Variants in FGD6 observed in about 807,000 individuals in gnomAD.
The protein encoded by FGD6 is FYVE, RhoGEF and PH domain containing 6, also known as FYVE, RhoGEF and PH domain-containing protein 6.
In FGD6, 90 loss-of-function variants were observed where a neutral mutation model predicts 149.4. The ratio of observed to expected loss-of-function variants is 0.60; its 90% CI spans 0.51 to 0.72. The LOEUF (loss-of-function observed/expected upper bound fraction) is 0.72, where lower values mean the gene tolerates loss of function less well. FGD6 is among the 30% of genes least tolerant of loss of function. The probability of loss-of-function intolerance (pLI) is 0.00; values close to 1 mark genes in which losing one functional copy is unlikely to be tolerated. For synonymous variants in FGD6, 527 were observed against 584.0 expected (o/e 0.90, Z 1.41); for missense variants, 1,437 against 1,684.8 (o/e 0.85, Z 2.57).
chr12:95,101,409 G>A (rs1438719679), intron 14 of FGD6, among the ~76,000 whole-genome samples: 3 of 152,110 alleles, frequency 2.0e-5, no homozygotes, highest in African/African-American at 7.2e-5. Flanking sequence ...GTCTGGTACT[G>A]ATCTGGAAAT....
intron 11 of FGD6, 102 bp from the exon 12 acceptor site, chr12:95,107,733 G>C: frequency 1.7e-6 from 2 of 1,182,396 alleles, no homozygotes; most frequent in South Asian, 2.6e-5. Context: ...TTTCATGACA[G>C]ACTGGGGAGC....
At chr12:95,125,479 AG>A (rs1350806547) in intron 8 of FGD6, among the ~76,000 whole-genome samples, 1 of 152,146 alleles carries the variant, frequency 6.6e-6, no homozygotes, top group African/African-American at 2.4e-5. Context: ...CAAAAAAAAT[AG>A]AAAAAATTAG....
rs1185268583 is a variant in FGD6 at position 95,210,283 on chromosome 12, G to C, written c.1001C>G (p.Pro334Arg). 2.5e-6 allele frequency: 4 copies of C among 1,614,012 alleles called. No homozygotes were observed. In the South Asian group the frequency reaches 4.4e-5, roughly 18 times the overall value. The change falls in exon 2 of 21, where the codon CCT becomes CGT. Residue 334 changes from proline to arginine, a missense_variant. Pro to Arg is a moderately radical substitution (Grantham distance 103). Transcript: ENST00000343958. ...CCCCGGTTCTTCAGTGCTTTCACTA[G>C]GAGTATCTACACACTTTTGGCGTAA... Reference protein sequence around the residue: ...RLLRQKCVDTPSESTEEPGNS... With the variant: ...RLLRQKCVDTRSESTEEPGNS...
At chr12:95,182,295 C>G (rs1881307142) in intron 2 of FGD6, among the ~76,000 whole-genome samples, 1 of 151,430 alleles carries the variant, frequency 6.6e-6, no homozygotes, top group South Asian at 2.1e-4. Context: ...CTCTGCCACC[C>G]AGGTTCAAGT....
intron 14 of FGD6, among the ~76,000 whole-genome samples, chr12:95,097,409 G>T (rs913995035): frequency 1.3e-5 from 2 of 152,110 alleles, no homozygotes; most frequent in African/African-American, 4.8e-5. Context: ...GCCGAGGAGG[G>T]TGGATCACCT....
rs750341939 is a variant in FGD6, at chr12:95,210,710, G to A, written c.574C>T (p.Pro192Ser). ...TGCTTCTGTGCAGAAATAAAAGGTG[G>A]CATTTGGTGTATTAAGGCATCTTTG... is the stretch of plus-strand genomic sequence containing the variant. The part of the protein sequence containing the change: ...ELKDALIHQM[P>S]PFISAQKHRP... Residue 192 changes from proline (P) to serine (S), a missense_variant, in exon 2 of 21, where the codon CCA (proline) becomes TCA (serine). This residue lies in a region of FGD6 where 1,055 missense variants were observed against 1,146.0 expected (regional missense o/e 0.92). Coordinates refer to ENST00000343958, the MANE Select transcript of FGD6 (RefSeq NM_018351.4). The A allele has an allele frequency of 7.4e-6, 12 of 1,613,712 alleles. No homozygotes were observed. In the African/African-American group the frequency reaches 1.6e-4, roughly 22 times the overall value.
chr12:95,085,655 C>T, intron 19 of FGD6, 125 bp downstream of exon 19: 3 of 1,029,262 alleles, frequency 2.9e-6, no homozygotes, highest in Non-Finnish European at 2.8e-6. Context: ...AGCAACAACA[C>T]CTCCCCCATC....
intron 2 of FGD6, among the ~76,000 whole-genome samples, chr12:95,196,722 T>C (rs1161909782): frequency 3.3e-5 from 5 of 151,758 alleles, no homozygotes; most frequent in Non-Finnish European, 7.4e-5. Context: ...TCACTGCAAC[T>C]TCTGCCTCCC....
At chr12:95,211,377 C>T in intron 1 of FGD6, 110 bp from the exon 2 acceptor site, 1 of 1,298,152 alleles carries the variant, frequency 7.7e-7, no homozygotes, top group Non-Finnish European at 1.0e-6. Context: ...TTGCCTTTTA[C>T]TGAGTATGTT....
At chr12:95,112,812 T>C (rs772908554) in intron 9 of FGD6, among the ~76,000 whole-genome samples, 2 of 152,196 alleles carry the variant, frequency 1.3e-5, no homozygotes, top group South Asian at 2.1e-4. Flanking sequence ...TAATGGATTG[T>C]TTCCCTTAAG....
At chr12:95,148,709 C>A (rs1880119145) in intron 5 of FGD6, among the ~76,000 whole-genome samples, 1 of 101,786 alleles carries the variant, frequency 9.8e-6, no homozygotes, top group Non-Finnish European at 1.8e-5. Context: ...TTATATAATA[C>A]ATAGCATATG....
At chr12:95,106,902 C>CAAAAT in intron 13 of FGD6, 52 bp downstream of exon 13, 1 of 1,290,568 alleles carries the variant, frequency 7.7e-7, no homozygotes, top group Non-Finnish European at 1.0e-6. Flanking sequence ...TCAAACAAAA[C>CAAAAT]AAAACAAAAC....
chr12:95,198,750 G>C (rs1881790696), intron 2 of FGD6, among the ~76,000 whole-genome samples: 1 of 152,146 alleles, frequency 6.6e-6, no homozygotes, highest in Non-Finnish European at 1.5e-5. Flanking sequence ...TTACTATTAA[G>C]CCTAAAACTC....
rs1881428152 is a variant in FGD6, at chr12:95,186,225, C to CTTTTTTTTTTT, written c.2442-13482_2442-13481insAAAAAAAAAAA. On this transcript the variant is annotated intron_variant, in intron 2 of 20. Transcript: ENST00000343958. ...AGCTAAGAATGCTTCTTATATTCTT[C>CTTTTTTTTTTT]TTCTTTTTTTTTTTTTTTTTTTTTT... Among the ~76,000 whole-genome samples, 23 of 71,184 alleles carry CTTTTTTTTTTT rather than the reference C, an allele frequency of 3.2e-4. 10 individuals carry two copies. The East Asian group carries it at 3.4e-3, about 10-fold the overall frequency. 46.7% of individuals were successfully genotyped at this position (71,184 alleles called of 152,430 possible). A position where few individuals can be genotyped will look rare whatever the true frequency, so the allele number is the denominator to read the frequency against.
rs1416061781 is a variant in FGD6 at position 95,107,594 on chromosome 12, C to T, written c.3302G>A (p.Arg1101Gln). Residue 1101 changes from arginine (R) to glutamine (Q), a missense_variant, in exon 12 of 21, where the codon CGG (arginine) becomes CAG (glutamine). By Grantham distance (43) the Arg-to-Gln change is conservative (BLOSUM62 1). This residue lies in a region of FGD6 where 382 missense variants were observed against 538.7 expected (regional missense o/e 0.71). Coordinates refer to ENST00000343958, the MANE Select transcript of FGD6 (RefSeq NM_018351.4). ...LKEGILMKLS[R>Q]KVMQPRMFFL... Reference sequence around the variant, plus strand: ...AAACATTCGAGGTTGCATCACTTTCCGAGACAGCTTCATCAGAATTCCTTC... The same window carrying T: ...AAACATTCGAGGTTGCATCACTTTCTGAGACAGCTTCATCAGAATTCCTTC... 5.6e-6 allele frequency: 9 copies of T among 1,614,086 alleles called. No individual in the cohort carries two copies. The highest frequency in any genetic ancestry group is 1.7e-5 in the Admixed American group (1 of 60,004).
intron 3 of FGD6, among the ~76,000 whole-genome samples, chr12:95,161,620 A>AT (rs954119571): frequency 1.3e-5 from 2 of 151,872 alleles, no homozygotes; most frequent in African/African-American, 2.4e-5. Context: ...AAGTTTGCTC[A>AT]TTTTTTTTCC....
At chr12:95,137,934 T>G (rs1465357185) in intron 6 of FGD6, among the ~76,000 whole-genome samples, 1 of 152,040 alleles carries the variant, frequency 6.6e-6, no homozygotes, top group African/African-American at 2.4e-5. Flanking sequence ...AAAAAATGTT[T>G]ACCATGGCTG....
At chr12:95,097,694 G>A (rs1213101573) in intron 14 of FGD6, among the ~76,000 whole-genome samples, 1 of 147,892 alleles carries the variant, frequency 6.8e-6, no homozygotes, top group South Asian at 2.1e-4. Context: ...TGGACTAACT[G>A]CAGGATGCTT....
At chr12:95,133,422 G>C (rs79455801) in intron 8 of FGD6, among the ~76,000 whole-genome samples, 1 of 151,976 alleles carries the variant, frequency 6.6e-6, no homozygotes, top group African/African-American at 2.4e-5. Flanking sequence ...GGTCTTCCTC[G>C]TGAGCAGTCT....
Sources: allele counts gnomAD v4.1 joint callset (sites outside exome capture counted in the v4.1 genomes callset), GRCh38; gene constraint gnomAD v4.1.1; regional missense constraint gnomAD v4.1.1; transcripts MANE v1.5; gene names NCBI Gene and HGNC (gene_info 2026-07-23, HGNC 2026-07-21).